The following CPVL variants were observed in gnomAD, a reference collection of about 807,000 sequenced individuals.
The protein encoded by CPVL is carboxypeptidase vitellogenic like.
In CPVL, 51 loss-of-function variants were observed where a neutral mutation model predicts 63.7. The observed-to-expected ratio is 0.80, with a 90% CI of 0.64 to 1.01. The LOEUF is 1.01. Ranked by LOEUF, CPVL falls within the 50% of genes least tolerant of loss-of-function variation. The pLI is 0.00. For synonymous variants in CPVL, 195 were observed against 206.0 expected, an observed-to-expected ratio of 0.95 and a Z score of 0.46; for missense variants, 530 against 573.1, an observed-to-expected ratio of 0.92 and a Z score of 0.77.
chr7:29,028,282 C>T (rs144053794), intron 12 of CPVL, among the ~76,000 whole-genome samples: 16 of 152,234 alleles, frequency 1.1e-4, no homozygotes, highest in African/African-American at 3.1e-4. Flanking sequence ...TCACCATATA[C>T]ACATAGAATA....
At chr7:29,072,936 C>G (rs1421354363) in intron 7 of CPVL, among the ~76,000 whole-genome samples, 1 of 152,192 alleles carries the variant, frequency 6.6e-6, no homozygotes. Context: ...CCAAACTTTT[C>G]CAGCACAAGG....
intron 5 of CPVL, among the ~76,000 whole-genome samples, chr7:29,177,180 A>T (rs1485268229): frequency 6.6e-6 from 1 of 152,156 alleles, no homozygotes; most frequent in Non-Finnish European, 1.5e-5. Context: ...CAGATTGCTT[A>T]AAGTAATTTA....
At chr7:29,047,066 G>A (rs879728422) in intron 11 of CPVL, among the ~76,000 whole-genome samples, 4 of 152,242 alleles carry the variant, frequency 2.6e-5, no homozygotes, top group Middle Eastern at 3.4e-3. Context: ...TTTGTCTTCC[G>A]TCATTCCATC....
At chr7:29,062,990 G>A (rs1017992609) in intron 11 of CPVL, among the ~76,000 whole-genome samples, 2 of 152,096 alleles carry the variant, frequency 1.3e-5, no homozygotes. Flanking sequence ...CGATCCCTTG[G>A]GCAAAGGCTA....
At chr7:29,112,898 C>A (rs1406070082) in intron 2 of CPVL, 76 bp from the exon 3 acceptor site, 4 of 1,013,528 alleles carry the variant, frequency 3.9e-6, no homozygotes, top group Non-Finnish European at 6.3e-6. Context: ...CTATCTCAGT[C>A]TGGATGAAAT....
At chr7:29,015,999 C>G (rs375479221) in intron 12 of CPVL, among the ~76,000 whole-genome samples, 1 of 152,214 alleles carries the variant, frequency 6.6e-6, no homozygotes, top group East Asian at 1.9e-4. Context: ...GCGGAATCAT[C>G]GGTCGCCATC....
chr7:29,062,254 A>G (rs1335569910), intron 11 of CPVL, among the ~76,000 whole-genome samples: 1 of 152,100 alleles, frequency 6.6e-6, no homozygotes, highest in Non-Finnish European at 1.5e-5. Context: ...GAGAGTCTGC[A>G]CGTTAGAGTG....
intron 1 of CPVL, among the ~76,000 whole-genome samples, chr7:29,186,757 A>G (rs1261974209): frequency 1.3e-5 from 2 of 152,208 alleles, no homozygotes; most frequent in Non-Finnish European, 2.9e-5. Flanking sequence ...GCAGGCTGAA[A>G]TTTCAAGTAA....
At chr7:29,080,743 CATG>C (rs35573053) in intron 7 of CPVL, among the ~76,000 whole-genome samples, 8,365 of 152,156 alleles carry the variant, frequency 0.055, 265 homozygotes, top group Middle Eastern at 0.1. Flanking sequence ...CCCAATGGGC[CATG>C]ATGATTTCAA....
chr7:29,179,770 T>A (rs1343703820), intron 5 of CPVL, among the ~76,000 whole-genome samples: 1 of 152,164 alleles, frequency 6.6e-6, no homozygotes, highest in African/African-American at 2.4e-5. Context: ...GAACTGGACA[T>A]TTGTGGAGGG....
At chr7:29,160,624 C>T (rs1463483245) in intron 5 of CPVL, among the ~76,000 whole-genome samples, 2 of 152,122 alleles carry the variant, frequency 1.3e-5, no homozygotes, top group African/African-American at 2.4e-5. Flanking sequence ...ATCTTCAGCC[C>T]TAACCCCAGC....
At chr7:28,998,974 G>C (rs1784350287) in intron 12 of CPVL, among the ~76,000 whole-genome samples, 1 of 152,056 alleles carries the variant, frequency 6.6e-6, no homozygotes, top group African/African-American at 2.4e-5. Context: ...GGGAGGCTGA[G>C]GTGGGCGGAT....
chr7:29,031,132 A>C (rs889802943), intron 11 of CPVL, among the ~76,000 whole-genome samples: 1 of 152,188 alleles, frequency 6.6e-6, no homozygotes, highest in Non-Finnish European at 1.5e-5. Flanking sequence ...CATTTCATTA[A>C]CTTCAACTTC....
At chr7:29,137,449 G>T (rs941060341) in intron 1 of CPVL, among the ~76,000 whole-genome samples, 3 of 152,144 alleles carry the variant, frequency 2.0e-5, no homozygotes, top group Non-Finnish European at 4.4e-5. Flanking sequence ...TTAAGCAAAT[G>T]GGCTTTCCAC....
At chr7:29,126,444 C>G (rs1398086194) in intron 1 of CPVL, 1 of 152,292 alleles carries the variant, frequency 6.6e-6, no homozygotes, top group East Asian at 1.9e-4. Flanking sequence ...ACCTGACCAT[C>G]AGAAGAGACA....
intron 12 of CPVL, among the ~76,000 whole-genome samples, chr7:29,003,363 T>C (rs1038067996): frequency 3.3e-5 from 5 of 152,192 alleles, no homozygotes; most frequent in African/African-American, 9.7e-5. Flanking sequence ...ATAAAATATC[T>C]GCCAACCTAG....
intron 1 of CPVL, among the ~76,000 whole-genome samples, chr7:29,190,849 T>G (rs982994715): frequency 6.6e-6 from 1 of 152,080 alleles, no homozygotes; most frequent in African/African-American, 2.4e-5. Flanking sequence ...AGTAAACAAT[T>G]GAACAACATC....
intron 6 of CPVL, among the ~76,000 whole-genome samples, chr7:29,091,452 C>G (rs1310738210): frequency 6.6e-6 from 1 of 152,150 alleles, no homozygotes. Context: ...AGAGAGCACA[C>G]AGTGCCAAGA....
rs539026227 is a variant in CPVL, at chr7:29,045,162, T to C, written c.1138-14403A>G. Among the ~76,000 whole-genome samples, 124 of 152,290 alleles carry C rather than the reference T, an allele frequency of 8.1e-4. 1 individual carries two copies. The highest frequency in any genetic ancestry group is 2.8e-3 in the African/African-American group (117 of 41,544). On this transcript the variant is annotated intron_variant, in intron 11 of 12. Coordinates refer to ENST00000265394, the MANE Select transcript of CPVL (RefSeq NM_031311.5). ...TGAACATTTCATCTAACATAAAGTA[T>C]GAACAAGAGAAGATGTCGAAAGCAT...
Sources: allele counts gnomAD v4.1 joint callset (sites outside exome capture counted in the v4.1 genomes callset), GRCh38; gene constraint gnomAD v4.1.1; transcripts MANE v1.5; gene names NCBI Gene and HGNC (gene_info 2026-07-23, HGNC 2026-07-21).